Variants in ZPBP observed in about 807,000 individuals in gnomAD.
The protein encoded by ZPBP is zona pellucida binding protein.
A neutral mutation model predicts 44.8 loss-of-function variants in ZPBP; 26 were observed. The ratio of observed to expected loss-of-function variants is 0.58; its 90% confidence interval spans 0.43 to 0.81. ZPBP has a LOEUF of 0.81. Among genes scored for constraint, ZPBP ranks in the 30% least tolerant of loss-of-function variants. The probability of loss-of-function intolerance (pLI) is 0.00; values close to 1 mark genes in which losing one functional copy is unlikely to be tolerated. For synonymous variants in ZPBP, 174 were observed against 153.2 expected, an observed-to-expected ratio of 1.14 and a Z score of -1.00; for missense variants, 409 against 434.0, an observed-to-expected ratio of 0.94 and a Z score of 0.51.
chr7:49,851,060 G>A (rs1440021984), intron 2 of ZPBP, among the ~76,000 whole-genome samples: 1 of 152,216 alleles, frequency 6.6e-6, no homozygotes, highest in African/African-American at 2.4e-5. Flanking sequence ...CACAGAGTCA[G>A]TTTCTTCTGG....
intron 7 of ZPBP, among the ~76,000 whole-genome samples, chr7:49,967,930 G>C (rs1177651667): frequency 1.3e-5 from 2 of 151,982 alleles, no homozygotes. Context: ...GGTTGTGCTG[G>C]GTTGAATTGT....
intron 4 of ZPBP, among the ~76,000 whole-genome samples, chr7:50,037,920 G>A (rs942186176): frequency 1.3e-5 from 2 of 152,086 alleles, no homozygotes; most frequent in South Asian, 2.1e-4. Context: ...CCCCAGCTCC[G>A]TGTTGCTGAA....
intron 2 of ZPBP, among the ~76,000 whole-genome samples, chr7:49,854,405 C>G (rs1390918181): frequency 6.6e-6 from 1 of 152,084 alleles, no homozygotes; most frequent in Non-Finnish European, 1.5e-5. Flanking sequence ...GATCGCTATT[C>G]TAACTGGTGT....
At chr7:50,023,483 G>T (rs1329236214) in intron 5 of ZPBP, among the ~76,000 whole-genome samples, 1 of 151,916 alleles carries the variant, frequency 6.6e-6, no homozygotes, top group Non-Finnish European at 1.5e-5. Context: ...ACGATAAACA[G>T]TAAACAAAGC....
chr7:49,859,790 G>A (rs983351887), intron 2 of ZPBP, among the ~76,000 whole-genome samples: 2 of 12,024 alleles, frequency 1.7e-4, no homozygotes, highest in African/African-American at 6.3e-4. Context: ...GCGCGTGCGT[G>A]CACACACACA....
At chr7:50,027,011 CCCCA>C (rs531222116) in intron 5 of ZPBP, among the ~76,000 whole-genome samples, 12 of 151,924 alleles carry the variant, frequency 7.9e-5, no homozygotes, top group Non-Finnish European at 1.5e-4. Context: ...TAAAACCCCA[CCCCA>C]AAGTGAACAC....
intron 2 of ZPBP, among the ~76,000 whole-genome samples, chr7:49,898,820 C>T (rs1173203205): frequency 1.3e-5 from 2 of 151,784 alleles, no homozygotes; most frequent in African/African-American, 4.8e-5. Flanking sequence ...TCTAGGGCAA[C>T]CCCTATAAAA....
At chr7:49,893,638 T>TG (rs1287237338) in intron 2 of ZPBP, among the ~76,000 whole-genome samples, 1 of 70,788 alleles carries the variant, frequency 1.4e-5, no homozygotes, top group Non-Finnish European at 3.3e-5. Context: ...GAAACCAGTT[T>TG]TTTTTTTTTT....
At chr7:50,066,875 C>A (rs1010057270) in intron 3 of ZPBP, among the ~76,000 whole-genome samples, 2 of 152,070 alleles carry the variant, frequency 1.3e-5, no homozygotes, top group African/African-American at 2.4e-5. Flanking sequence ...TAGGACTATT[C>A]GGGTCGGGCG....
At chr7:49,907,388 GA>G (rs1793162268) in intron 1 of ZPBP, among the ~76,000 whole-genome samples, 2 of 152,140 alleles carry the variant, frequency 1.3e-5, no homozygotes, top group Admixed American at 6.5e-5. Context: ...CTGGCTCTAA[GA>G]AGTGCAAAAT....
Position 50,093,057 on chromosome 7 carries a change from C to A in ZPBP, c.127+11G>T, listed in dbSNP as rs561566832. 1 of 1,596,490 alleles carries A rather than the reference C, an allele frequency of 6.3e-7. No homozygotes were observed. The highest frequency in any genetic ancestry group is 2.3e-5 in the East Asian group (1 of 43,956). ...TCCCTGCGGAGCCGGCAGGGCGGCGCGGACCCTCACCTGATGAGGGCACCC... is the reference window on the plus strand; with the variant it reads ...TCCCTGCGGAGCCGGCAGGGCGGCGAGGACCCTCACCTGATGAGGGCACCC... On this transcript the variant is annotated intron_variant, in intron 1 of 7. Coordinates refer to ENST00000046087, the MANE Select transcript of ZPBP (RefSeq NM_007009.3).
chr7:50,089,694 C>T lies in ZPBP; in HGVS notation c.143G>A (p.Arg48Gln), dbSNP rs148222395. The T allele has an allele frequency of 4.1e-5, 66 of 1,610,310 alleles. No individual in the cohort carries two copies. The Middle Eastern group carries it at 5.2e-4, about 13-fold the overall frequency. Residue 48 changes from arginine to glutamine, a missense_variant, in exon 2 of 8, where the codon CGA (arginine) becomes CAA (glutamine). Physicochemically the swap from Arg to Gln is conservative, Grantham distance 43 (BLOSUM62 1). Around this residue, in one of 2 missense-constraint regions of ZPBP, gnomAD observed 367 missense variants for 363.1 expected, o/e 1.01. Transcript: ENST00000046087. ...GGTCAAGCGAAAAGCTCTTGGTAATCGAACCAAGTGTCCAACTATCAAAAA... is the reference window on the plus strand; with the variant it reads ...GGTCAAGCGAAAAGCTCTTGGTAATTGAACCAAGTGTCCAACTATCAAAAA... ...RVPSSVGHLV[R>Q]LPRAFRLTKD...
At chr7:49,987,317 C>G (rs1035029570) in intron 6 of ZPBP, among the ~76,000 whole-genome samples, 1 of 152,116 alleles carries the variant, frequency 6.6e-6, no homozygotes, top group African/African-American at 2.4e-5. Flanking sequence ...TCTTCCTAAA[C>G]TTTATTTTCC....
At chr7:49,996,006 A>G (rs1475347823) in intron 6 of ZPBP, among the ~76,000 whole-genome samples, 1 of 152,202 alleles carries the variant, frequency 6.6e-6, no homozygotes, top group Non-Finnish European at 1.5e-5. Flanking sequence ...TATTTCAAAA[A>G]GGACTTCAAG....
At chr7:49,930,259 G>T (rs1794402094) in intron 1 of ZPBP, among the ~76,000 whole-genome samples, 1 of 152,150 alleles carries the variant, frequency 6.6e-6, no homozygotes, top group Non-Finnish European at 1.5e-5. Flanking sequence ...TCAGGATCTT[G>T]CCACAAAACC....
intron 7 of ZPBP, among the ~76,000 whole-genome samples, chr7:49,957,727 C>A (rs920477345): frequency 5.9e-5 from 9 of 152,146 alleles, no homozygotes; most frequent in Non-Finnish European, 1.0e-4. Context: ...CGGCAGAGAG[C>A]CTCTACTGTG....
Position 49,981,344 on chromosome 7 carries a change from TATATAATATATA to T in ZPBP, c.961+1986_961+1997del, listed in dbSNP as rs1562819176. Among the ~76,000 whole-genome samples, 53 of 44,582 alleles carry T rather than the reference TATATAATATATA, an allele frequency of 1.2e-3. 2 individuals are homozygous for T. Among genetic ancestry groups the T allele is most frequent in the Non-Finnish European group, 1.6e-3 (45 of 28,354 alleles). 29.2% of individuals were successfully genotyped at this position (44,582 alleles called of 152,430 possible). On this transcript the variant is annotated intron_variant, in intron 7 of 7. Transcript: ENST00000046087. ...TAATATATATTATAATTATATATAT[TATATAATATATA>T]TTATATATAATTATATATATTATAT...
At chr7:49,906,345 T>G (rs1905269) in intron 1 of ZPBP, among the ~76,000 whole-genome samples, 4,376 of 152,036 alleles carry the variant, frequency 0.029, 237 homozygotes, top group African/African-American at 0.1. Flanking sequence ...AATTTTCTCT[T>G]TTTTTTTGAG....
At chr7:49,883,440 C>T (rs1280128670) in intron 2 of ZPBP, among the ~76,000 whole-genome samples, 1 of 152,016 alleles carries the variant, frequency 6.6e-6, no homozygotes, top group Non-Finnish European at 1.5e-5. Flanking sequence ...TCAAAATAAA[C>T]ATTAAAAATA....
Sources: gnomAD v4.1 joint callset for allele counts (sites outside exome capture counted in the v4.1 genomes callset) on GRCh38, gnomAD v4.1.1 for gene constraint, gnomAD v4.1.1 regional missense constraint, MANE v1.5 for transcripts, NCBI Gene and HGNC (gene_info 2026-07-23, HGNC 2026-07-21) for gene names.